CNTN5: variants seen among roughly 807,000 people sequenced by gnomAD.
CNTN5 encodes the protein contactin 5.
Under a neutral mutation model 129.1 loss-of-function variants are expected in CNTN5, and 77 were observed. That is an observed-to-expected ratio of 0.60 (90% CI 0.50 to 0.72). The LOEUF is 0.72. Among genes scored for constraint, CNTN5 ranks in the 30% least tolerant of loss-of-function variants. The pLI is 0.00. For synonymous variants in CNTN5, 509 were observed against 465.6 expected (o/e 1.09, Z -1.20); for missense variants, 1,478 against 1,328.8 (o/e 1.11, Z -1.75).
At chr11:99,971,194 G>T (rs1591503787) in intron 8 of CNTN5, among the ~76,000 whole-genome samples, 1 of 152,084 alleles carries the variant, frequency 6.6e-6, no homozygotes, top group South Asian at 2.1e-4. Context: ...TCACTACCCA[G>T]TAGAGCTCAG....
intron 2 of CNTN5, among the ~76,000 whole-genome samples, chr11:99,358,411 A>C (rs1237842885): frequency 6.6e-6 from 1 of 151,276 alleles, no homozygotes; most frequent in Non-Finnish European, 1.5e-5. Flanking sequence ...ACTACAAAAA[A>C]TTAGCCAGGC....
At chr11:100,009,457 A>T (rs1040808031) in intron 9 of CNTN5, among the ~76,000 whole-genome samples, 4 of 152,138 alleles carry the variant, frequency 2.6e-5, no homozygotes, top group Non-Finnish European at 5.9e-5. Context: ...AGTGTAAAAA[A>T]AAAAATGGAG....
rs1211588604 is a variant in CNTN5 at position 99,775,713 on chromosome 11, A to G, written c.56-43831A>G. ...CTATGTATATTTACCTCTGTGTGCTATAAGTAGAATTTTGTACTCACGTTA... is the reference window on the plus strand; with the variant it reads ...CTATGTATATTTACCTCTGTGTGCTGTAAGTAGAATTTTGTACTCACGTTA... On this transcript the variant is annotated intron_variant, in intron 3 of 24. Coordinates refer to ENST00000524871, the MANE Select transcript of CNTN5 (RefSeq NM_014361.4). Among the ~76,000 whole-genome samples the G allele has an allele frequency of 3.3e-5, 5 of 152,022 alleles. No homozygotes were observed. The South Asian group carries it at 6.2e-4, about 19-fold the overall frequency.
chr11:100,335,579 C>T (rs1427273247), intron 21 of CNTN5, among the ~76,000 whole-genome samples: 1 of 152,090 alleles, frequency 6.6e-6, no homozygotes, highest in African/African-American at 2.4e-5. Flanking sequence ...ACCAGCCCGG[C>T]CAACATGGTG....
At chr11:99,114,159 C>G (rs1857929616) in intron 1 of CNTN5, among the ~76,000 whole-genome samples, 1 of 152,128 alleles carries the variant, frequency 6.6e-6, no homozygotes, top group Admixed American at 6.6e-5. Context: ...CATGATACCT[C>G]TATGAATTTT....
At chr11:100,187,036 T>G (rs567533245) in intron 13 of CNTN5, among the ~76,000 whole-genome samples, 1 of 152,192 alleles carries the variant, frequency 6.6e-6, no homozygotes, top group African/African-American at 2.4e-5. Context: ...TTGTGGAATT[T>G]TTTTTCCATT....
chr11:99,613,540 A>G (rs1276105551), intron 3 of CNTN5, among the ~76,000 whole-genome samples: 1 of 152,242 alleles, frequency 6.6e-6, no homozygotes, highest in Non-Finnish European at 1.5e-5. Flanking sequence ...AAGTAAAGCG[A>G]GAATAAAATC....
At chr11:100,318,270 A>AT (rs1219022532) in intron 21 of CNTN5, among the ~76,000 whole-genome samples, 6 of 143,124 alleles carry the variant, frequency 4.2e-5, no homozygotes, top group Non-Finnish European at 7.6e-5. Flanking sequence ...AAAAAGTCTC[A>AT]TTTTTTTCAC....
In CNTN5 at chr11:100,119,575, C is replaced by T. The variant is rs182955119; in HGVS notation, c.1580+45281C>T. Among the ~76,000 whole-genome samples the T allele has an allele frequency of 1.4e-3, 218 of 151,842 alleles. 2 individuals carry two copies. Among genetic ancestry groups the T allele is most frequent in the African/African-American group, 5.1e-3 (212 of 41,494 alleles). ...TTAGAATGAATAAAATATAAAAGAA[C>T]AATCCCACCATGATTCTAAGGCAGT... On this transcript the variant is annotated intron_variant, in intron 13 of 24. Transcript: ENST00000524871.
intron 1 of CNTN5, among the ~76,000 whole-genome samples, chr11:99,281,337 A>G (rs2135889149): frequency 6.6e-6 from 1 of 152,156 alleles, no homozygotes; most frequent in East Asian, 1.9e-4. Context: ...CCATGAAACA[A>G]AACTGCCAGA....
At chr11:99,600,721 A>G (rs1024638436) in intron 3 of CNTN5, among the ~76,000 whole-genome samples, 2 of 151,442 alleles carry the variant, frequency 1.3e-5, no homozygotes, top group East Asian at 2.0e-4. Flanking sequence ...GTTATCCACC[A>G]GTGTTGGAGC....
rs1421824213 is a variant in CNTN5, at chr11:100,061,413, C to A, written c.1162+20C>A. On this transcript the variant is annotated intron_variant, in intron 10 of 24. Coordinates refer to ENST00000524871, the MANE Select transcript of CNTN5 (RefSeq NM_014361.4). ...TATACAGTAAGTGTTTTCAGCAAAG[C>A]ATGATTGCTCTAGTCCCAAAAGTCA... is the stretch of plus-strand genomic sequence containing the variant. 6.6e-7 allele frequency: 1 copy of A among 1,515,086 alleles called. No homozygotes were observed. Among genetic ancestry groups the A allele is most frequent in the Non-Finnish European group, 9.0e-7 (1 of 1,112,520 alleles). The allele number at this position is 1,515,086 out of a possible 1,614,324, so 93.9% of individuals were successfully genotyped here.
At position 99,153,673 on chromosome 11, in the gene CNTN5, C is replaced by G. The variant is rs74330045; in HGVS notation, c.-210+132403C>G. ...ACTTCAGGCAAGTTAAGAACCATTG[C>G]TATTTCTGGGGTATGAGTGCAGTTG... On this transcript the variant is annotated intron_variant, in intron 1 of 24. Transcript: ENST00000524871. Among the ~76,000 whole-genome samples, 833 of 152,174 alleles carry G rather than the reference C, an allele frequency of 5.5e-3. 9 individuals are homozygous for G. Among genetic ancestry groups the G allele is most frequent in the African/African-American group, 0.019 (807 of 41,530 alleles).
intron 3 of CNTN5, among the ~76,000 whole-genome samples, chr11:99,651,057 A>G (rs1041830684): frequency 5.9e-5 from 9 of 151,950 alleles, no homozygotes; most frequent in Admixed American, 1.3e-4. Context: ...CCAACTTAGA[A>G]GTTATTTGTT....
chr11:99,415,711 A>T (rs370474957), intron 2 of CNTN5, among the ~76,000 whole-genome samples: 1 of 152,108 alleles, frequency 6.6e-6, no homozygotes, highest in Non-Finnish European at 1.5e-5. Flanking sequence ...TCACTTTGTG[A>T]TATCATTTTC....
rs202051643 is a variant in CNTN5 at position 99,644,235 on chromosome 11, G to A, written c.55+87966G>A. On this transcript the variant is annotated intron_variant, in intron 3 of 24. Coordinates refer to ENST00000524871, the MANE Select transcript of CNTN5 (RefSeq NM_014361.4). ...TCAAATCAGAAACTCCTCCTATTAC[G>A]TCTTTTTCCTTTGCTCGTTTTGCTT... Among the ~76,000 whole-genome samples the A allele has an allele frequency of 5.7e-3, 810 of 142,558 alleles. 30 individuals are homozygous for A. Among genetic ancestry groups the A allele is most frequent in the Admixed American group, 0.047 (654 of 13,914 alleles). 93.5% of individuals were successfully genotyped at this position (142,558 alleles called of 152,430 possible). A position where few individuals can be genotyped will look rare whatever the true frequency, so the allele number is the denominator to read the frequency against.
At chr11:99,841,797 A>ATATATATG (rs1947502947) in intron 4 of CNTN5, among the ~76,000 whole-genome samples, 1 of 9,762 alleles carries the variant, frequency 1.0e-4, no homozygotes, top group Non-Finnish European at 1.9e-3. Context: ...ATATATATAT[A>ATATATATG]TATGTGGTGT....
chr11:99,748,578 C>A (rs1944133703), intron 3 of CNTN5, among the ~76,000 whole-genome samples: 1 of 152,150 alleles, frequency 6.6e-6, no homozygotes, highest in Admixed American at 6.5e-5. Flanking sequence ...GGCCTGAGAA[C>A]CAGGGGACCC....
At chr11:99,128,092 T>C (rs1273545383) in intron 1 of CNTN5, among the ~76,000 whole-genome samples, 1 of 152,160 alleles carries the variant, frequency 6.6e-6, no homozygotes, top group Non-Finnish European at 1.5e-5. Context: ...ACAGGAGAAC[T>C]GTCCACTGTC....
Sources: allele counts gnomAD v4.1 joint callset (sites outside exome capture counted in the v4.1 genomes callset), GRCh38; gene constraint gnomAD v4.1.1; transcripts MANE v1.5; gene names NCBI Gene and HGNC (gene_info 2026-07-23, HGNC 2026-07-21).